The following PATL2 variants were observed in gnomAD, a reference collection of about 807,000 sequenced individuals.
The protein encoded by PATL2 is protein PAT1 homolog 2.
In PATL2, 73 loss-of-function variants were observed where a neutral mutation model predicts 77.0. The ratio of observed to expected loss-of-function variants is 0.95; its 90% CI spans 0.78 to 1.15. The LOEUF (loss-of-function observed/expected upper bound fraction) is 1.15, where lower values mean the gene tolerates loss of function less well. PATL2 is among the 50% of genes most tolerant of loss of function. The pLI, the probability that PATL2 is intolerant of heterozygous loss-of-function variation, is 0.00. For missense variants in PATL2, 618 were observed against 655.4 expected (o/e 0.94, Z 0.62); for synonymous variants, 265 against 257.1 (o/e 1.03, Z -0.29).
At chr15:44,671,000 AG>A (rs1358563063) in intron 9 of PATL2, among the ~76,000 whole-genome samples, 1 of 152,270 alleles carries the variant, frequency 6.6e-6, no homozygotes, top group Non-Finnish European at 1.5e-5. Context: ...AAGCCAAACA[AG>A]GATTTGAAAA....
chr15:44,696,589 G>T (rs2086507976), intron 3 of PATL2, among the ~76,000 whole-genome samples: 1 of 152,046 alleles, frequency 6.6e-6, no homozygotes, highest in African/African-American at 2.4e-5. Flanking sequence ...CTGCCTACTG[G>T]ATACTTTAAT....
intron 5 of PATL2, 89 bp downstream of exon 5, chr15:44,675,397 G>A: frequency 2.2e-6 from 3 of 1,390,528 alleles, no homozygotes; most frequent in Non-Finnish European, 2.9e-6. Flanking sequence ...TTAGAAAAGG[G>A]TAGAAAAGAG....
At chr15:44,692,024 G>GTTT (rs1292950887) in intron 3 of PATL2, among the ~76,000 whole-genome samples, 1 of 152,130 alleles carries the variant, frequency 6.6e-6, no homozygotes, top group Non-Finnish European at 1.5e-5. Context: ...TGTATGGCAT[G>GTTT]TTTTATACAA....
intron 3 of PATL2, among the ~76,000 whole-genome samples, chr15:44,706,879 C>A (rs1175127159): frequency 6.6e-6 from 1 of 152,136 alleles, no homozygotes; most frequent in African/African-American, 2.4e-5. Flanking sequence ...TCCAGAGATG[C>A]CTTCCAGGAA....
intron 3 of PATL2, among the ~76,000 whole-genome samples, chr15:44,683,988 A>G (rs555072319): frequency 1.3e-5 from 2 of 152,124 alleles, no homozygotes; most frequent in East Asian, 1.9e-4. Flanking sequence ...ACTCCAACAG[A>G]CCTGCAGCAG....
intron 3 of PATL2, among the ~76,000 whole-genome samples, chr15:44,690,592 C>A (rs771101995): frequency 1.3e-5 from 2 of 151,942 alleles, no homozygotes; most frequent in Non-Finnish European, 2.9e-5. Flanking sequence ...CCCACCTTGG[C>A]CTCCCAAAGT....
rs1293904690 is a variant in PATL2 at position 44,669,642 on chromosome 15, T to C, written c.877-79A>G. The C allele has an allele frequency of 2.6e-6, 4 of 1,521,146 alleles. No individual in the cohort carries two copies. In the African/African-American group the frequency reaches 5.5e-5, roughly 21 times the overall value. The allele number at this position is 1,521,146 out of a possible 1,614,324, so 94.2% of individuals were successfully genotyped here. A position where few individuals can be genotyped will look rare whatever the true frequency, so the allele number is the denominator to read the frequency against. On this transcript the variant is annotated intron_variant, in intron 11 of 17. Coordinates refer to ENST00000682850, the MANE Select transcript of PATL2 (RefSeq NM_001387263.1). ...GCCCAGGCCCCCAACTAGCTAGAGA[T>C]TGAGCTGGAAAGGCTAGAAACAAAG...
chr15:44,668,418 A>G lies in PATL2; in HGVS notation c.1289T>C (p.Leu430Pro), dbSNP rs1281934664. Residue 430 changes from leucine (L) to proline (P), a missense_variant, in exon 15 of 18, where the codon CTC becomes CCC. By Grantham distance (98) the Leu-to-Pro change is moderately conservative (BLOSUM62 -3). Coordinates refer to ENST00000682850, the MANE Select transcript of PATL2 (RefSeq NM_001387263.1). ...CAGCGTTAATCCCTGAAGTCCTTGG[A>G]GGAGTTCGTGGAGGGTCAAGTGACT... ...CISHLTLHEL[L>P]QGLQGLTLLP... The G allele has an allele frequency of 6.4e-7, 1 of 1,551,284 alleles. No individual in the cohort carries two copies. Among genetic ancestry groups the G allele is most frequent in the Non-Finnish European group, 8.7e-7 (1 of 1,146,974 alleles).
chr15:44,684,477 A>G (rs1026015570), intron 3 of PATL2, among the ~76,000 whole-genome samples: 1 of 151,758 alleles, frequency 6.6e-6, no homozygotes, highest in African/African-American at 2.4e-5. Flanking sequence ...TGAATTGATC[A>G]AGCAGAAGAA....
At chr15:44,706,098 C>T (rs1037059217) in intron 3 of PATL2, among the ~76,000 whole-genome samples, 1 of 152,180 alleles carries the variant, frequency 6.6e-6, no homozygotes, top group Non-Finnish European at 1.5e-5. Context: ...CCGTGCCTGA[C>T]CAAAACAGCT....
chr15:44,682,227 A>T (rs1382859492), intron 3 of PATL2, among the ~76,000 whole-genome samples: 4 of 152,330 alleles, frequency 2.6e-5, no homozygotes, highest in Admixed American at 6.5e-5. Context: ...TCTTATTCTA[A>T]TATTCTAGTT....
rs529929870 is a variant in PATL2, at chr15:44,673,171, A to G, written c.446+64T>C. On this transcript the variant is annotated intron_variant, in intron 7 of 17. Coordinates refer to ENST00000682850, the MANE Select transcript of PATL2 (RefSeq NM_001387263.1). ...TGTTTCCCTGTGGCAACTGGTAGGC[A>G]TGGTCCCCGCCCCTCCTCAGCCAGC... is the stretch of plus-strand genomic sequence containing the variant. 487 of 1,521,800 alleles carry G rather than the reference A, an allele frequency of 3.2e-4. 1 individual carries two copies. Among genetic ancestry groups the G allele is most frequent in the Non-Finnish European group, 3.8e-4 (426 of 1,130,652 alleles). The allele number at this position is 1,521,800 out of a possible 1,614,324, so 94.3% of individuals were successfully genotyped here.
chr15:44,698,021 A>T (rs567383399), intron 3 of PATL2, among the ~76,000 whole-genome samples: 19 of 151,956 alleles, frequency 1.3e-4, no homozygotes, highest in Non-Finnish European at 2.1e-4. Flanking sequence ...CTACAGGTGC[A>T]TACCACCATG....
chr15:44,690,568 G>A (rs1215748661), intron 3 of PATL2, among the ~76,000 whole-genome samples: 1 of 151,422 alleles, frequency 6.6e-6, no homozygotes, highest in East Asian at 1.9e-4. Context: ...GAACTCCTGG[G>A]CTCAAGTGAT....
intron 3 of PATL2, among the ~76,000 whole-genome samples, chr15:44,688,162 C>T (rs535393288): frequency 5.3e-5 from 8 of 149,908 alleles, no homozygotes; most frequent in South Asian, 2.1e-4. Flanking sequence ...AGGCGAATGG[C>T]GTGAACCCGG....
intron 2 of PATL2, among the ~76,000 whole-genome samples, chr15:44,710,416 T>A (rs2086831981): frequency 6.6e-6 from 1 of 152,182 alleles, no homozygotes; most frequent in Admixed American, 6.5e-5. Context: ...TTATTTATGG[T>A]CACTTTAGAG....
intron 3 of PATL2, 116 bp from the exon 4 acceptor site, chr15:44,676,681 C>T (rs2085973172): frequency 1.6e-6 from 2 of 1,237,542 alleles, no homozygotes; most frequent in South Asian, 3.0e-5. Context: ...TGGCCATGGT[C>T]TTGAGGAGAG....
intron 3 of PATL2, among the ~76,000 whole-genome samples, chr15:44,696,666 C>A (rs1456585668): frequency 6.6e-6 from 1 of 152,080 alleles, no homozygotes; most frequent in Non-Finnish European, 1.5e-5. Flanking sequence ...TCATATGGAT[C>A]CTGGGAGATT....
intron 3 of PATL2, among the ~76,000 whole-genome samples, chr15:44,683,229 A>G (rs1284312884): frequency 6.6e-6 from 1 of 151,922 alleles, no homozygotes; most frequent in Non-Finnish European, 1.5e-5. Context: ...CTGGCATGCC[A>G]GCGAGACAGA....
Sources: gnomAD v4.1 joint callset for allele counts (sites outside exome capture counted in the v4.1 genomes callset) on GRCh38, gnomAD v4.1.1 for gene constraint, MANE v1.5 for transcripts, NCBI Gene and HGNC (gene_info 2026-07-23, HGNC 2026-07-21) for gene names.